Variants in GTF2IRD1 observed in about 807,000 individuals in gnomAD.
GTF2IRD1 encodes the protein general transcription factor II-I repeat domain-containing protein 1.
Under a neutral mutation model 113.2 loss-of-function variants are expected in GTF2IRD1, and 26 were observed. The observed-to-expected ratio is 0.23, with a 90% confidence interval of 0.17 to 0.32. The LOEUF is 0.32. Ranked by LOEUF, GTF2IRD1 falls within the 10% of genes least tolerant of loss-of-function variation. The pLI, the probability that GTF2IRD1 is intolerant of heterozygous loss-of-function variation, is 1.00. For synonymous variants in GTF2IRD1, 484 were observed against 529.1 expected (o/e 0.91, Z 1.17); for missense variants, 864 against 1,280.8 (o/e 0.67, Z 4.97).
intron 7 of GTF2IRD1, among the ~76,000 whole-genome samples, chr7:74,523,226 G>A (rs1584594966): frequency 1.3e-5 from 2 of 148,190 alleles, no homozygotes; most frequent in South Asian, 4.3e-4. Flanking sequence ...CTGTAAAAAA[G>A]AAAAAAGGAA....
chr7:74,536,293 G>GC lies in GTF2IRD1; in HGVS notation c.1409+22dup. 1 of 1,491,098 alleles carries GC rather than the reference G, an allele frequency of 6.7e-7. No homozygotes were observed. The highest frequency in any genetic ancestry group is 9.4e-7 in the Non-Finnish European group (1 of 1,068,960). 92.4% of individuals were successfully genotyped at this position (1,491,098 alleles called of 1,614,324 possible). On this transcript the variant is annotated intron_variant, in intron 11 of 26. Transcript: ENST00000424337. ...AATGCTCGGTGAGGCCCCGCCCCTG[G>GC]CCCCGGAGGCCCGCGGCCAGCCCTG...
At chr7:74,505,276 T>C (rs560371261) in intron 1 of GTF2IRD1, among the ~76,000 whole-genome samples, 15 of 152,322 alleles carry the variant, frequency 9.8e-5, no homozygotes, top group African/African-American at 3.1e-4. Context: ...CTAGCAGACG[T>C]GGGCCTGGGT....
chr7:74,497,375 C>T (rs1328494940), intron 1 of GTF2IRD1, among the ~76,000 whole-genome samples: 6 of 152,072 alleles, frequency 3.9e-5, no homozygotes, highest in South Asian at 2.1e-4. Context: ...GCCATCCTCC[C>T]GCCTCAGCTT....
chr7:74,553,662 G>C (rs111911201), intron 17 of GTF2IRD1, among the ~76,000 whole-genome samples: 7 of 152,178 alleles, frequency 4.6e-5, no homozygotes, highest in African/African-American at 1.7e-4. Flanking sequence ...TGCAGTGGCC[G>C]ACGGGAGAGG....
At position 74,477,334 on chromosome 7, in the gene GTF2IRD1, A is replaced by G. The variant is rs1393580535; in HGVS notation, c.-7+23158A>G. 7.9e-5 allele frequency among the ~76,000 whole-genome samples: 11 copies of G among 138,960 alleles called. No individual in the cohort carries two copies. The East Asian group carries it at 1.6e-3, about 21-fold the overall frequency. The allele number at this position is 138,960 out of a possible 152,430, so 91.2% of individuals were successfully genotyped here. ...AGCTAAGATCGCACCAGTGCACTCC[A>G]GCCTGGGCGACAGTTTTTTTTTTGT... On this transcript the variant is annotated intron_variant, in intron 1 of 26. Transcript: ENST00000424337.
At chr7:74,484,453 CTTTTTTTTTTT>C in intron 1 of GTF2IRD1, among the ~76,000 whole-genome samples, 1 of 126,094 alleles carries the variant, frequency 7.9e-6, no homozygotes, top group South Asian at 2.6e-4. Context: ...GGCCATCCTT[CTTTTTTTTTTT>C]TTTTTTTTGA....
intron 22 of GTF2IRD1, among the ~76,000 whole-genome samples, chr7:74,570,568 C>T (rs1355359829): frequency 6.6e-6 from 1 of 152,192 alleles, no homozygotes; most frequent in Non-Finnish European, 1.5e-5. Flanking sequence ...GAGGGAGGAT[C>T]GCTTGAGCCC....
chr7:74,563,407 G>A (rs1554359688), intron 22 of GTF2IRD1, among the ~76,000 whole-genome samples: 1 of 151,760 alleles, frequency 6.6e-6, no homozygotes, highest in African/African-American at 2.4e-5. Context: ...GTGAAACCCC[G>A]TCTCTACTAA....
intron 1 of GTF2IRD1, among the ~76,000 whole-genome samples, chr7:74,478,520 A>G (rs1210060341): frequency 6.6e-6 from 1 of 152,110 alleles, no homozygotes; most frequent in Non-Finnish European, 1.5e-5. Context: ...CAGTGGTGCG[A>G]TCATAGCTCA....
intron 22 of GTF2IRD1, among the ~76,000 whole-genome samples, chr7:74,582,234 G>C (rs587745504): frequency 6.6e-5 from 10 of 152,302 alleles, no homozygotes; most frequent in African/African-American, 1.9e-4. Context: ...GGCACGGCTA[G>C]AGCACAGACA....
intron 22 of GTF2IRD1, among the ~76,000 whole-genome samples, chr7:74,572,232 G>T (rs1800738114): frequency 6.6e-6 from 1 of 152,188 alleles, no homozygotes; most frequent in African/African-American, 2.4e-5. Flanking sequence ...AGGGACTGAA[G>T]AGCGGCAGGC....
chr7:74,560,443 A>G (rs1799877166), intron 22 of GTF2IRD1, among the ~76,000 whole-genome samples: 1 of 147,886 alleles, frequency 6.8e-6, no homozygotes, highest in South Asian at 2.1e-4. Flanking sequence ...TTTTAAAAAA[A>G]TATTTTATAT....
At chr7:74,570,757 G>T (rs1222449918) in intron 22 of GTF2IRD1, among the ~76,000 whole-genome samples, 2 of 152,190 alleles carry the variant, frequency 1.3e-5, no homozygotes, top group Non-Finnish European at 1.5e-5. Context: ...TTAAGCAGAG[G>T]TTGAGCTGCC....
intron 22 of GTF2IRD1, among the ~76,000 whole-genome samples, chr7:74,582,923 C>T (rs1315096332): frequency 1.3e-5 from 2 of 152,028 alleles, no homozygotes; most frequent in Non-Finnish European, 2.9e-5. Flanking sequence ...GTAGCCCACA[C>T]CTGTAGTCCC....
chr7:74,595,101 CTG>C, intron 25 of GTF2IRD1, 50 bp downstream of exon 25: 1 of 1,385,408 alleles, frequency 7.2e-7, no homozygotes, highest in South Asian at 1.2e-5. Flanking sequence ...GGACTAGAGA[CTG>C]TTCCATTTGA....
Position 74,589,829 on chromosome 7 carries a change from C to T in GTF2IRD1, c.2321-22C>T, listed in dbSNP as rs1554368864. The stretch of plus-strand genomic sequence containing the variant: ...GGCTAAGCTGGTGCCAACTCTCATG[C>T]CCCCTTGTCTTCCTCTTGTAGATGA... On this transcript the variant is annotated intron_variant, in intron 22 of 26. Transcript: ENST00000424337. The T allele has an allele frequency of 4.6e-6, 7 of 1,529,954 alleles. No individual in the cohort carries two copies. The East Asian group carries it at 1.4e-4, about 30-fold the overall frequency. 94.8% of individuals were successfully genotyped at this position (1,529,954 alleles called of 1,614,324 possible).
chr7:74,537,860 G>A, intron 11 of GTF2IRD1, among the ~76,000 whole-genome samples: 1 of 152,198 alleles, frequency 6.6e-6, no homozygotes, highest in Non-Finnish European at 1.5e-5. Context: ...CCCAGATGGT[G>A]AAGAAGGGGG....
At chr7:74,537,938 C>G (rs1459606436) in intron 11 of GTF2IRD1, among the ~76,000 whole-genome samples, 198 bp from the exon 12 acceptor site, 1 of 152,220 alleles carries the variant, frequency 6.6e-6, no homozygotes, top group African/African-American at 2.4e-5. Context: ...AGATTGTGGT[C>G]CCTGGAGACA....
intron 1 of GTF2IRD1, among the ~76,000 whole-genome samples, chr7:74,468,565 A>G (rs1793871434): frequency 6.6e-6 from 1 of 151,432 alleles, no homozygotes; most frequent in South Asian, 2.1e-4. Context: ...AGGCTGAGAC[A>G]GGAGAATCAC....
Sources: allele counts gnomAD v4.1 joint callset (sites outside exome capture counted in the v4.1 genomes callset), GRCh38; gene constraint gnomAD v4.1.1; transcripts MANE v1.5; gene names NCBI Gene and HGNC (gene_info 2026-07-23, HGNC 2026-07-21).